The following CDH13 variants were observed in gnomAD, a reference collection of about 807,000 sequenced individuals.
CDH13 encodes the protein cadherin-13.
Under a neutral mutation model 63.8 loss-of-function variants are expected in CDH13, and 24 were observed. The ratio of observed to expected loss-of-function variants is 0.38; its 90% CI spans 0.27 to 0.53. The LOEUF (loss-of-function observed/expected upper bound fraction) is 0.53, where lower values mean the gene tolerates loss of function less well. Among genes scored for constraint, CDH13 ranks in the 20% least tolerant of loss-of-function variants. The pLI is 0.85. For synonymous variants in CDH13, 503 were observed against 355.3 expected (o/e 1.42, Z -4.67); for missense variants, 1,049 against 903.1 (o/e 1.16, Z -2.07).
intron 3 of CDH13, among the ~76,000 whole-genome samples, chr16:83,073,259 G>T (rs780919173): frequency 6.6e-5 from 10 of 151,986 alleles, no homozygotes; most frequent in Non-Finnish European, 1.3e-4. Context: ...AAGAAACAGA[G>T]TTCGAGGTTG....
intron 4 of CDH13, among the ~76,000 whole-genome samples, chr16:83,130,534 G>A (rs890488407): frequency 6.6e-6 from 1 of 152,214 alleles, no homozygotes; most frequent in Non-Finnish European, 1.5e-5. Flanking sequence ...TCAATAGATC[G>A]ATATCTGATA....
rs1185007588 is a variant in CDH13 at position 83,384,238 on chromosome 16, T to C, written c.781+39232T>C. On this transcript the variant is annotated intron_variant, in intron 6 of 13. Transcript: ENST00000567109. ...TTATTATTCTCAATATATCTACTAA[T>C]TGATTTGATGAAATCACATGATGTA... is the stretch of plus-strand genomic sequence containing the variant. Among the ~76,000 whole-genome samples the C allele has an allele frequency of 2.0e-5, 3 of 152,276 alleles. 1 individual carries two copies. In the East Asian group the frequency reaches 5.8e-4, roughly 29 times the overall value.
chr16:83,103,579 C>G (rs189836838), intron 3 of CDH13, among the ~76,000 whole-genome samples: 102 of 152,214 alleles, frequency 6.7e-4, no homozygotes, highest in Admixed American at 2.3e-3. Context: ...ACAGCACATG[C>G]AGGAGATAAG....
intron 1 of CDH13, among the ~76,000 whole-genome samples, chr16:82,834,783 A>T (rs1013931881): frequency 6.6e-6 from 1 of 152,214 alleles, no homozygotes; most frequent in Non-Finnish European, 1.5e-5. Flanking sequence ...GGGGTCTGCA[A>T]ACTCTGATCT....
At chr16:83,753,352 T>C (rs2150978575) in intron 11 of CDH13, among the ~76,000 whole-genome samples, 1 of 152,264 alleles carries the variant, frequency 6.6e-6, no homozygotes, top group South Asian at 2.1e-4. Flanking sequence ...AAAACCATCC[T>C]GGGCAACATG....
chr16:83,365,640 C>T (rs1185621923), intron 6 of CDH13, among the ~76,000 whole-genome samples: 1 of 152,096 alleles, frequency 6.6e-6, no homozygotes, highest in African/African-American at 2.4e-5. Context: ...AAGGAGGTTA[C>T]CCGGGATTAT....
chr16:82,773,476 G>C (rs1481325857), intron 1 of CDH13: 1 of 152,276 alleles, frequency 6.6e-6, no homozygotes, highest in Non-Finnish European at 1.5e-5. Context: ...ACTTGTCCCT[G>C]TGACACAGTG....
At chr16:82,891,111 A>C (rs2041066500) in intron 2 of CDH13, among the ~76,000 whole-genome samples, 1 of 149,166 alleles carries the variant, frequency 6.7e-6, no homozygotes, top group East Asian at 2.0e-4. Flanking sequence ...CTCAGAACTC[A>C]TGTCATACTG....
chr16:83,443,097 G>C (rs542536133), intron 6 of CDH13, among the ~76,000 whole-genome samples: 2 of 152,350 alleles, frequency 1.3e-5, no homozygotes, highest in East Asian at 3.9e-4. Context: ...GCAGACTGAA[G>C]TTTGCAACTG....
intron 8 of CDH13, among the ~76,000 whole-genome samples, chr16:83,622,653 A>T (rs8044913): frequency 0.13 from 19,634 of 152,266 alleles, 1,385 homozygotes; most frequent in African/African-American, 0.19. Flanking sequence ...TAGTTCATTA[A>T]TGAGGCTCAT....
At chr16:82,628,883 G>A (rs944386830) in intron 1 of CDH13, among the ~76,000 whole-genome samples, 2 of 152,226 alleles carry the variant, frequency 1.3e-5, no homozygotes, top group African/African-American at 4.8e-5. Context: ...ACCTCTTTGA[G>A]CTTCCAAGTT....
chr16:83,484,194 A>T (rs1003788358), intron 6 of CDH13, among the ~76,000 whole-genome samples: 3 of 152,214 alleles, frequency 2.0e-5, no homozygotes, highest in Non-Finnish European at 4.4e-5. Context: ...GGGAAAAAAA[A>T]CTGGCTTTGA....
At chr16:83,727,586 T>C (rs1484880160) in intron 10 of CDH13, among the ~76,000 whole-genome samples, 1 of 151,802 alleles carries the variant, frequency 6.6e-6, no homozygotes, top group African/African-American at 2.4e-5. Flanking sequence ...GAAAGAAAAA[T>C]ATCAGTTTTA....
chr16:82,807,847 CTTTA>C (rs2037229472), intron 1 of CDH13, among the ~76,000 whole-genome samples: 1 of 152,136 alleles, frequency 6.6e-6, no homozygotes, highest in Non-Finnish European at 1.5e-5. Context: ...TTTTAACAAA[CTTTA>C]TTTAGGCTCT....
At chr16:83,181,041 A>G in intron 4 of CDH13, 1 of 1,495,358 alleles carries the variant, frequency 6.7e-7, no homozygotes, top group South Asian at 1.3e-5. Flanking sequence ...CGGTATTTCA[A>G]ATCCATTTTC....
intron 10 of CDH13, among the ~76,000 whole-genome samples, chr16:83,703,351 A>G (rs1351859221): frequency 6.6e-6 from 1 of 152,238 alleles, no homozygotes; most frequent in Non-Finnish European, 1.5e-5. Context: ...CTGAAGCCTT[A>G]TTTATGGTAG....
At chr16:82,733,376 A>G (rs1021751621) in intron 1 of CDH13, among the ~76,000 whole-genome samples, 8 of 152,104 alleles carry the variant, frequency 5.3e-5, no homozygotes, top group African/African-American at 1.7e-4. Flanking sequence ...GCTATGTAAA[A>G]AAAAATCAAA....
chr16:83,490,104 T>A (rs1168522673), intron 7 of CDH13, among the ~76,000 whole-genome samples: 3 of 152,250 alleles, frequency 2.0e-5, no homozygotes, highest in Admixed American at 2.0e-4. Context: ...AACGTGTGTT[T>A]CCTGGCTTGT....
intron 8 of CDH13, among the ~76,000 whole-genome samples, chr16:83,653,947 C>T (rs899397581): frequency 1.2e-4 from 19 of 152,024 alleles, no homozygotes; most frequent in Non-Finnish European, 1.6e-4. Flanking sequence ...GGGAATATGT[C>T]CTTGGAGAGT....
Sources: allele counts gnomAD v4.1 joint callset (sites outside exome capture counted in the v4.1 genomes callset), GRCh38; gene constraint gnomAD v4.1.1; transcripts MANE v1.5; gene names NCBI Gene and HGNC (gene_info 2026-07-23, HGNC 2026-07-21).